Variants in RWDD2B observed in about 807,000 individuals in gnomAD.
RWDD2B encodes RWD domain containing 2B, also known as RWD domain-containing protein 2B.
In RWDD2B, 36 loss-of-function variants were observed where a neutral mutation model predicts 33.6. That is an observed-to-expected ratio of 1.07 (90% CI 0.82 to 1.42). RWDD2B has a LOEUF of 1.42. RWDD2B is among the 40% of genes most tolerant of loss of function. The pLI is 0.00. For synonymous variants in RWDD2B, 126 were observed against 133.1 expected (o/e 0.95, Z 0.37); for missense variants, 364 against 377.5 (o/e 0.96, Z 0.30).
At chr21:29,011,957 G>C (rs8128408) in intron 1 of RWDD2B, among the ~76,000 whole-genome samples, 78,017 of 87,932 alleles carry the variant, frequency 0.89, 34,835 homozygotes, top group South Asian at 0.95. Context: ...GTCAGCCCCC[G>C]ACCCGGCCAG....
chr21:29,018,235 C>A (rs913443089), intron 1 of RWDD2B, among the ~76,000 whole-genome samples: 1 of 152,136 alleles, frequency 6.6e-6, no homozygotes. Context: ...AAGAATGACT[C>A]CGGGGCTTTA....
rs2084867085 is a variant in RWDD2B at position 29,012,185 on chromosome 21, C to CCG, written c.68-3566_68-3565dup. Among the ~76,000 whole-genome samples the CCG allele has an allele frequency of 1.4e-5, 2 of 143,388 alleles. 1 individual carries two copies. The allele number at this position is 143,388 out of a possible 152,430, so 94.1% of individuals were successfully genotyped here. ...GGAGGTGGGGGTGGTCAGCCCCCCCCCGGGAGGTGAGGGGCGCCTCTGCCC... is the reference window on the plus strand; with the variant it reads ...GGAGGTGGGGGTGGTCAGCCCCCCCCCGCGGGAGGTGAGGGGCGCCTCTGCCC... On this transcript the variant is annotated intron_variant, in intron 1 of 4. Coordinates refer to ENST00000493196, the MANE Select transcript of RWDD2B (RefSeq NM_016940.3).
chr21:29,019,191 C>G lies in RWDD2B; in HGVS notation c.67+20G>C. The G allele has an allele frequency of 6.3e-7, 1 of 1,584,118 alleles. No individual in the cohort carries two copies. Among genetic ancestry groups the G allele is most frequent in the Non-Finnish European group, 8.6e-7 (1 of 1,165,164 alleles). ...ACCCCCGTGGCGGTCACCACTGGCG[C>G]TAGCTGAGGCGAGACTCACCTTGAG... On this transcript the variant is annotated intron_variant, in intron 1 of 4. Coordinates refer to ENST00000493196, the MANE Select transcript of RWDD2B (RefSeq NM_016940.3).
rs1326178210 is a variant in RWDD2B at position 29,004,422 on chromosome 21, T to C, written c.*1995A>G. 4 of 152,370 alleles carry C rather than the reference T, an allele frequency of 2.6e-5. No homozygotes were observed. The highest frequency in any genetic ancestry group is 4.1e-4 in the South Asian group (2 of 4,834). 9.4% of individuals were successfully genotyped at this position (152,370 alleles called of 1,614,324 possible). A position where few individuals can be genotyped will look rare whatever the true frequency, so the allele number is the denominator to read the frequency against. On this transcript the variant is annotated 3_prime_UTR_variant, in exon 5 of 5. Coordinates refer to ENST00000493196, the MANE Select transcript of RWDD2B (RefSeq NM_016940.3). ...GTTTATGTGACATTTGAGATCTGCATATTATACATAGCAATCTGGTTTTTA... is the reference window on the plus strand; with the variant it reads ...GTTTATGTGACATTTGAGATCTGCACATTATACATAGCAATCTGGTTTTTA...
At position 29,008,637 on chromosome 21, in the gene RWDD2B, T is replaced by C; in HGVS notation, c.68-16A>G. On this transcript the variant is annotated splice_polypyrimidine_tract_variant and intron_variant, in intron 1 of 4. Coordinates refer to ENST00000493196, the MANE Select transcript of RWDD2B (RefSeq NM_016940.3). ...GTGTAAGTTTCTAAGGAGGTAAAGA[T>C]AAGAGAGACAATTTACATATGCAAT... The C allele has an allele frequency of 1.3e-6, 2 of 1,553,866 alleles. No homozygotes were observed. The highest frequency in any genetic ancestry group is 8.8e-7 in the Non-Finnish European group (1 of 1,133,058).
Position 29,008,253 on chromosome 21 carries a change from CAG to C in RWDD2B, c.347_348del (p.Pro116ArgfsTer11). 1 of 1,614,214 alleles carries C rather than the reference CAG, an allele frequency of 6.2e-7. No individual in the cohort carries two copies. Among genetic ancestry groups the C allele is most frequent in the Non-Finnish European group, 8.5e-7 (1 of 1,180,020 alleles). ...TCTGTAACGTACCTGACAGTAATTT[CAG>C]GCAGAACTGCCGGGTATTTAAAGGG... ...ILPFKYPAVL[P>X]EITVRSVLLS... On this transcript the variant is annotated frameshift_variant, in exon 3 of 5. Transcript: ENST00000493196. LOFTEE classifies it high-confidence loss of function.
At chr21:29,014,267 C>A (rs1044309605) in intron 1 of RWDD2B, among the ~76,000 whole-genome samples, 1 of 152,212 alleles carries the variant, frequency 6.6e-6, no homozygotes, top group Non-Finnish European at 1.5e-5. Flanking sequence ...AATAACTAAC[C>A]CACTCCTGCA....
intron 1 of RWDD2B, among the ~76,000 whole-genome samples, chr21:29,015,878 C>G (rs191008305): frequency 6.6e-6 from 1 of 152,066 alleles, no homozygotes; most frequent in East Asian, 1.9e-4. Flanking sequence ...CCTAATTAGG[C>G]GAGAGACTAT....
rs997193524 is a variant in RWDD2B at position 29,006,471 on chromosome 21, G to A, written c.906C>T (p.Asn302=). ...MDFGQLYQFL[N]TKGCGDVFQM... is the part of the protein sequence containing the mutation. ...GGAAAACATCCCCACATCCTTTGGTGTTTAAGAACTGATAGAGCTGACCAA... is the reference window on the plus strand; with the variant it reads ...GGAAAACATCCCCACATCCTTTGGTATTTAAGAACTGATAGAGCTGACCAA... The change falls in exon 5 of 5, where the codon AAC becomes AAT. Residue 302 remains asparagine, a synonymous_variant. Transcript: ENST00000493196. 1.2e-6 allele frequency: 2 copies of A among 1,614,080 alleles called. No homozygotes were observed.
At chr21:29,018,725 T>G (rs2084901426) in intron 1 of RWDD2B, among the ~76,000 whole-genome samples, 1 of 152,210 alleles carries the variant, frequency 6.6e-6, no homozygotes, top group Non-Finnish European at 1.5e-5. Flanking sequence ...GCGCGATTGC[T>G]CACGCCTGTA....
Position 29,008,230 on chromosome 21 carries a change from T to C in RWDD2B, c.362+10A>G. On this transcript the variant is annotated intron_variant, in intron 3 of 4. Transcript: ENST00000493196. ...GACCTCCAAAGTTGGCCAGAGCTTC[T>C]GTAACGTACCTGACAGTAATTTCAG... 6.2e-7 allele frequency: 1 copy of C among 1,614,048 alleles called. No homozygotes were observed. The highest frequency in any genetic ancestry group is 8.5e-7 in the Non-Finnish European group (1 of 1,179,932).
Position 29,008,010 on chromosome 21 carries a change from C to T in RWDD2B, c.476G>A (p.Arg159Lys), listed in dbSNP as rs776451573. ...VCILNATEWV[R>K]EHASGYVSRD... The stretch of plus-strand genomic sequence containing the variant: ...GCTGACATAGCCAGAGGCGTGTTCT[C>T]TAACCCACTCTGTGGCATTCAGTAT... Residue 159 changes from arginine to lysine, a missense_variant, in exon 4 of 5, where the codon AGA becomes AAA. By Grantham distance (26) the Arg-to-Lys change is conservative. Transcript: ENST00000493196. The T allele has an allele frequency of 6.2e-7, 1 of 1,614,114 alleles. No individual in the cohort carries two copies. The highest frequency in any genetic ancestry group is 1.3e-5 in the African/African-American group (1 of 74,940).
At position 29,012,019 on chromosome 21, in the gene RWDD2B, G is replaced by A. The variant is rs28606645; in HGVS notation, c.68-3398C>T. 2.4e-3 allele frequency among the ~76,000 whole-genome samples: 325 copies of A among 135,902 alleles called. 6 individuals are homozygous for A. Among genetic ancestry groups the A allele is most frequent in the African/African-American group, 8.5e-3 (294 of 34,762 alleles). 89.2% of individuals were successfully genotyped at this position (135,902 alleles called of 152,430 possible). A position where few individuals can be genotyped will look rare whatever the true frequency, so the allele number is the denominator to read the frequency against. ...GGGTCAGCCCCCCGCCCGGCCAGCC[G>A]CCCTGTCCGGGAGGTGAGGGGCGCC... On this transcript the variant is annotated intron_variant, in intron 1 of 4. Coordinates refer to ENST00000493196, the MANE Select transcript of RWDD2B (RefSeq NM_016940.3).
chr21:29,012,177 G>GCCCC (rs71189332), intron 1 of RWDD2B, among the ~76,000 whole-genome samples: 3 of 98,086 alleles, frequency 3.1e-5, no homozygotes, highest in South Asian at 6.9e-4. Flanking sequence ...GGGGTGGTCA[G>GCCCC]CCCCCCCCCG....
chr21:29,013,549 C>T (rs1158689855), intron 1 of RWDD2B, among the ~76,000 whole-genome samples: 3 of 151,824 alleles, frequency 2.0e-5, no homozygotes, highest in South Asian at 2.1e-4. Flanking sequence ...ATTAGCCGGG[C>T]GTGGTGGCCG....
At chr21:29,011,561 G>A (rs2084859924) in intron 1 of RWDD2B, among the ~76,000 whole-genome samples, 2 of 147,942 alleles carry the variant, frequency 1.4e-5, no homozygotes, top group South Asian at 4.3e-4. Flanking sequence ...CCCCCGCCCG[G>A]CCAGCCGCCC....
rs2084904477 is a variant in RWDD2B, at chr21:29,019,259, T to C, written c.19A>G (p.Met7Val). Residue 7 changes from methionine to valine, a missense_variant, in exon 1 of 5, where the codon ATG becomes GTG. Coordinates refer to ENST00000493196, the MANE Select transcript of RWDD2B (RefSeq NM_016940.3). MKIELSMQPWNPGYSSE... is the reference protein window; with the variant it reads MKIELSVQPWNPGYSSE... ...CTGTAACCCGGGTTCCATGGCTGCA[T>C]GGACAGCTCAATTTTCATCAGAAGG... 3 of 1,605,536 alleles carry C rather than the reference T, an allele frequency of 1.9e-6. No individual in the cohort carries two copies. In the South Asian group the frequency reaches 3.4e-5, roughly 18 times the overall value.
intron 1 of RWDD2B, among the ~76,000 whole-genome samples, chr21:29,018,865 A>C (rs1012008014): frequency 1.3e-5 from 2 of 152,198 alleles, no homozygotes; most frequent in Admixed American, 1.3e-4. Context: ...AAGAGAACGC[A>C]GACTGAAACT....
rs766346043 is a variant in RWDD2B, at chr21:29,008,245, A to G, written c.357T>C (p.Thr119=). 1.4e-5 allele frequency: 23 copies of G among 1,614,124 alleles called. No individual in the cohort carries two copies. The highest frequency in any genetic ancestry group is 2.7e-5 in the African/African-American group (2 of 74,964). Residue 119 remains threonine (T), a synonymous_variant, in exon 3 of 5, where the codon ACT becomes ACC. Transcript: ENST00000493196. ...FKYPAVLPEI[T]VRSVLLSRSQ... ...CCAGAGCTTCTGTAACGTACCTGAC[A>G]GTAATTTCAGGCAGAACTGCCGGGT...
Sources: allele counts gnomAD v4.1 joint callset (sites outside exome capture counted in the v4.1 genomes callset), GRCh38; gene constraint gnomAD v4.1.1; transcripts MANE v1.5; gene names NCBI Gene and HGNC (gene_info 2026-07-23, HGNC 2026-07-21).